ATP11C: variants seen among roughly 807,000 people sequenced by gnomAD.
ATP11C encodes phospholipid-transporting ATPase IG.
ATP11C carries 36 observed loss-of-function variants against 97.4 expected under a neutral mutation model. The ratio of observed to expected loss-of-function variants is 0.37; its 90% CI spans 0.28 to 0.49. The LOEUF is 0.49. Ranked by LOEUF, ATP11C falls within the 20% of genes least tolerant of loss-of-function variation. The pLI is 0.98. For missense variants in ATP11C, 730 were observed against 824.6 expected (o/e 0.89, Z 1.40); for synonymous variants, 275 against 290.9 (o/e 0.95, Z 0.56).
At chrX:139,881,126 C>T (rs1379779959) in intron 1 of ATP11C, among the ~76,000 whole-genome samples, 1 of 112,034 alleles carries the variant, frequency 8.9e-6, no homozygotes, top group African/African-American at 3.2e-5. Flanking sequence ...TGAGCACTTA[C>T]TCTATGCCAG....
At chrX:139,850,804 C>T (rs1169345146) in intron 1 of ATP11C, among the ~76,000 whole-genome samples, 2 of 109,902 alleles carry the variant, frequency 1.8e-5, no homozygotes, top group Admixed American at 1.9e-4. Context: ...CCCAGCTACT[C>T]GGGAGGCTGA....
At chrX:139,770,918 T>G (rs1280574137) in intron 19 of ATP11C, among the ~76,000 whole-genome samples, 1 of 111,949 alleles carries the variant, frequency 8.9e-6, no homozygotes, top group Non-Finnish European at 1.9e-5. Context: ...GATAGCACCT[T>G]TAGAGGGTGA....
Position 139,774,729 on chromosome X carries a change from A to G in ATP11C, c.2177T>C (p.Leu726Ser), listed in dbSNP as rs771460135. The G allele has an allele frequency of 7.4e-6, 9 of 1,210,007 alleles. No individual in the cohort carries two copies. The South Asian group carries it at 1.4e-4, about 19-fold the overall frequency. Residue 726 changes from leucine (L) to serine (S), a missense_variant, in exon 19 of 30, where the codon TTG (leucine) becomes TCG (serine). Transcript: ENST00000682941. Reference sequence around the variant, plus strand: ...AGTACTTTTAGGAAACTCATGCAGCAATTTCTTGCGATATTCTATCAATAA... The same window carrying G: ...AGTACTTTTAGGAAACTCATGCAGCGATTTCTTGCGATATTCTATCAATAA... ...HELLIEYRKK[L>S]LHEFPKSTRS... is the part of the protein sequence containing the mutation.
At chrX:139,824,916 A>G (rs770646665) in intron 2 of ATP11C, among the ~76,000 whole-genome samples, 3 of 111,899 alleles carry the variant, frequency 2.7e-5, no homozygotes, top group Non-Finnish European at 3.8e-5. Context: ...TATAAACAGT[A>G]TATTTTGAAA....
chrX:139,892,910 T>C (rs2084751613), intron 1 of ATP11C, among the ~76,000 whole-genome samples: 1 of 111,006 alleles, frequency 9.0e-6, no homozygotes, highest in Admixed American at 9.6e-5. Context: ...CATCAGAGAG[T>C]ATGAGGCACG....
chrX:139,778,793 C>T (rs1194389202), intron 18 of ATP11C, among the ~76,000 whole-genome samples: 2 of 111,483 alleles, frequency 1.8e-5, no homozygotes, highest in Non-Finnish European at 3.8e-5. Flanking sequence ...TGCGCCGCTG[C>T]ACTCTAGCCT....
intron 5 of ATP11C, among the ~76,000 whole-genome samples, chrX:139,813,650 G>A (rs984125055): frequency 9.0e-6 from 1 of 111,500 alleles, no homozygotes; most frequent in Non-Finnish European, 1.9e-5. Flanking sequence ...ATTACTAAGT[G>A]AAAGAAGCCA....
intron 1 of ATP11C, among the ~76,000 whole-genome samples, chrX:139,839,868 T>A (rs1465021432): frequency 1.8e-5 from 2 of 111,624 alleles, no homozygotes; most frequent in Admixed American, 1.9e-4. Context: ...ATTGGCCTTT[T>A]TTCCATTCCA....
At chrX:139,781,323 A>G (rs141117128) in intron 18 of ATP11C, among the ~76,000 whole-genome samples, 1,457 of 112,476 alleles carry the variant, frequency 0.013, 20 homozygotes, top group Middle Eastern at 0.023. Flanking sequence ...TTCTAAAAAT[A>G]TTAAGAATTT....
intron 1 of ATP11C, among the ~76,000 whole-genome samples, chrX:139,865,371 AG>A (rs1460468822): frequency 8.9e-6 from 1 of 111,987 alleles, no homozygotes; most frequent in African/African-American, 3.3e-5. Context: ...AAAGAAAAAC[AG>A]GATGTTTTAA....
At chrX:139,814,726 T>G in intron 5 of ATP11C, 152 bp downstream of exon 5, 1 of 363,290 alleles carries the variant, frequency 2.8e-6, no homozygotes, top group Non-Finnish European at 4.8e-6. Context: ...TGCTTATGGG[T>G]ATAGGGTTTC....
rs182168731 is a variant in ATP11C, at chrX:139,733,354, A to G, written c.3289-1599T>C. Among the ~76,000 whole-genome samples, 4 of 112,223 alleles carry G rather than the reference A, an allele frequency of 3.6e-5. No individual in the cohort carries two copies. The East Asian group carries it at 1.1e-3, about 32-fold the overall frequency. ...GCAAAACAGAAGATGAGTGGTCAAC[A>G]ATGTGGATGACTTGAACAACTCTGC... is the stretch of plus-strand genomic sequence containing the variant. On this transcript the variant is annotated intron_variant, in intron 28 of 29. Coordinates refer to ENST00000682941, the MANE Select transcript of ATP11C (RefSeq NM_001353812.2).
At chrX:139,782,767 T>G (rs201093673) in intron 17 of ATP11C, 39 bp from the exon 18 acceptor site, 1 of 993,318 alleles carries the variant, frequency 1.0e-6, no homozygotes, top group Non-Finnish European at 1.4e-6. Context: ...ATTCTAATAA[T>G]AGTTGGAAAA....
rs2081263904 is a variant in ATP11C at position 139,727,003 on chromosome X, GTA to G, written c.*1961_*1962del. The G allele has an allele frequency of 9.0e-6, 1 of 111,708 alleles. No individual in the cohort carries two copies. Among genetic ancestry groups the G allele is most frequent in the African/African-American group, 3.3e-5 (1 of 30,766 alleles). The allele number at this position is 111,708 out of a possible 1,213,427, so 9.2% of individuals were successfully genotyped here. A position where few individuals can be genotyped will look rare whatever the true frequency, so the allele number is the denominator to read the frequency against. On this transcript the variant is annotated 3_prime_UTR_variant, in exon 30 of 30. Coordinates refer to ENST00000682941, the MANE Select transcript of ATP11C (RefSeq NM_001353812.2). ...TGAATTTGAGCTGCAGTATCACAAT[GTA>G]ATGTGTAGCTGAGACATAACTCTAA...
chrX:139,796,236 C>A, intron 12 of ATP11C, 37 bp downstream of exon 12: 1 of 1,028,959 alleles, frequency 9.7e-7, no homozygotes, highest in Non-Finnish European at 1.3e-6. Flanking sequence ...ATTTTCACTA[C>A]GTTGACAAAT....
At chrX:139,773,254 A>G (rs1405678270) in intron 19 of ATP11C, among the ~76,000 whole-genome samples, 1 of 111,543 alleles carries the variant, frequency 9.0e-6, no homozygotes, top group Non-Finnish European at 1.9e-5. Flanking sequence ...TCTAAGTCCA[A>G]TTAAACCTCT....
Position 139,774,743 on chromosome X carries a change from T to G in ATP11C, c.2163A>C (p.Glu721Asp), listed in dbSNP as rs754885016. 26 of 1,209,359 alleles carry G rather than the reference T, an allele frequency of 2.1e-5. No individual in the cohort carries two copies. In the African/African-American group the frequency reaches 3.7e-4, roughly 17 times the overall value. The change falls in exon 19 of 30, where the codon GAA becomes GAC. Residue 721 changes from glutamate to aspartate, a missense_variant. Physicochemically the swap from Glu to Asp is conservative, Grantham distance 45. Transcript: ENST00000682941. ...ACTCATGCAGCAATTTCTTGCGATA[T>G]TCTATCAATAATTCATGTAATCGAT... ...KEDRLHELLI[E>D]YRKKLLHEFP...
Position 139,826,741 on chromosome X carries a change from G to A in ATP11C, c.110C>T (p.Ala37Val). The change falls in exon 2 of 30, where the codon GCA (alanine) becomes GTA (valine). Residue 37 changes from alanine (A) to valine (V), a missense_variant. Transcript: ENST00000682941. ...TATTCTATTATCACAAAATCTTTGT[G>A]CAATGTAAGCTTCTGTTTCCGAAAC... ...HPVSETEAYIAQRFCDNRIVS... is the reference protein window; with the variant it reads ...HPVSETEAYIVQRFCDNRIVS... The A allele has an allele frequency of 1.7e-6, 2 of 1,206,088 alleles. No homozygotes were observed. Among genetic ancestry groups the A allele is most frequent in the Non-Finnish European group, 2.2e-6 (2 of 891,362 alleles).
intron 26 of ATP11C, among the ~76,000 whole-genome samples, chrX:139,742,854 A>G (rs1174902350): frequency 1.9e-5 from 1 of 51,919 alleles, no homozygotes. Context: ...TTTTATATTT[A>G]TTTTTAAATT....
Sources: allele counts gnomAD v4.1 joint callset (sites outside exome capture counted in the v4.1 genomes callset), GRCh38; gene constraint gnomAD v4.1.1; transcripts MANE v1.5; gene names NCBI Gene and HGNC (gene_info 2026-07-23, HGNC 2026-07-21).